Variants in MKRN2 observed in about 807,000 individuals in gnomAD.
The protein encoded by MKRN2 is makorin ring finger protein 2.
Under a neutral mutation model 45.4 loss-of-function variants are expected in MKRN2, and 32 were observed. The observed-to-expected ratio is 0.70, with a 90% CI of 0.53 to 0.95. MKRN2 has a LOEUF of 0.95. Among genes scored for constraint, MKRN2 ranks in the 40% least tolerant of loss-of-function variants. The pLI is 0.00. For missense variants in MKRN2, 526 were observed against 536.7 expected, an observed-to-expected ratio of 0.98 and a Z score of 0.20; for synonymous variants, 206 against 192.4, an observed-to-expected ratio of 1.07 and a Z score of -0.59.
intron 6 of MKRN2, among the ~76,000 whole-genome samples, chr3:12,581,600 T>A (rs1205254678): frequency 6.6e-6 from 1 of 152,156 alleles, no homozygotes; most frequent in African/African-American, 2.4e-5. Flanking sequence ...TAAGTGGGGA[T>A]ACTTCCTATC....
chr3:12,583,701 A>C lies in MKRN2; in HGVS notation c.*1448A>C, dbSNP rs1402132900. On this transcript the variant is annotated 3_prime_UTR_variant, in exon 8 of 8. Transcript: ENST00000170447. ...CAATAAAAACAAAATTAAAACCCAA[A>C]TCATCAAGAAAACCTGTATTCCTGG... 4.3e-6 allele frequency: 1 copy of C among 233,346 alleles called. No individual in the cohort carries two copies. Among genetic ancestry groups the C allele is most frequent in the African/African-American group, 2.2e-5 (1 of 45,348 alleles). 14.5% of individuals were successfully genotyped at this position (233,346 alleles called of 1,614,324 possible). A position where few individuals can be genotyped will look rare whatever the true frequency, so the allele number is the denominator to read the frequency against.
At chr3:12,562,346 G>GC (rs2058043078) in intron 1 of MKRN2, among the ~76,000 whole-genome samples, 1 of 152,156 alleles carries the variant, frequency 6.6e-6, no homozygotes, top group Admixed American at 6.6e-5. Flanking sequence ...CAGATGCCAG[G>GC]CAAGGGGCAG....
intron 1 of MKRN2, among the ~76,000 whole-genome samples, chr3:12,566,893 A>G (rs2058071665): frequency 6.6e-6 from 1 of 152,186 alleles, no homozygotes. Flanking sequence ...GTGAGCCACC[A>G]CACCTAGTAT....
intron 4 of MKRN2, 99 bp from the exon 5 acceptor site, chr3:12,574,693 C>A: frequency 2.6e-6 from 3 of 1,134,808 alleles, no homozygotes; most frequent in Non-Finnish European, 3.9e-6. Flanking sequence ...GTGTTCCTTC[C>A]TGATCTCAGC....
rs561476243 is a variant in MKRN2, at chr3:12,564,668, G to A, written c.27-4207G>A. Among the ~76,000 whole-genome samples, 11 of 152,234 alleles carry A rather than the reference G, an allele frequency of 7.2e-5. No homozygotes were observed. In the East Asian group the frequency reaches 1.9e-3, roughly 27 times the overall value. On this transcript the variant is annotated intron_variant, in intron 1 of 7. Coordinates refer to ENST00000170447, the MANE Select transcript of MKRN2 (RefSeq NM_014160.5). ...AATTTACCTGTTTGAAGTGTACAGT[G>A]CAAAACTTTTTAATGAATTTACAAA... is the stretch of plus-strand genomic sequence containing the variant.
In MKRN2 at chr3:12,574,771, T is replaced by G. The variant is rs374768529; in HGVS notation, c.643-21T>G. 9.6e-5 allele frequency: 154 copies of G among 1,605,650 alleles called. 3 individuals carry two copies. Among genetic ancestry groups the G allele is most frequent in the South Asian group, 2.6e-4 (24 of 90,856 alleles). On this transcript the variant is annotated intron_variant, in intron 4 of 7. Coordinates refer to ENST00000170447, the MANE Select transcript of MKRN2 (RefSeq NM_014160.5). ...CCTCAGTGGCCCACAACCAAAGCCT[T>G]CCTTCCTGTCTGTGCTTCAGATCTG...
intron 6 of MKRN2, among the ~76,000 whole-genome samples, chr3:12,578,731 T>C (rs1432537658): frequency 1.3e-5 from 2 of 152,196 alleles, no homozygotes; most frequent in Admixed American, 1.3e-4. Context: ...TCTTGAAATA[T>C]TTGTGTTAAG....
chr3:12,582,225 T>G lies in MKRN2; in HGVS notation c.1223T>G (p.Leu408Arg). Residue 408 changes from leucine to arginine, a missense_variant, in exon 8 of 8, where the codon CTT becomes CGT. Leu to Arg is a moderately radical substitution (Grantham distance 102). Coordinates refer to ENST00000170447, the MANE Select transcript of MKRN2 (RefSeq NM_014160.5). ...MTELGDLFMHLSGVESSEP is the reference protein window; with the variant it reads ...MTELGDLFMHRSGVESSEP ...GAGCTCGGGGACCTCTTCATGCACCTTTCTGGAGTGGAATCATCAGAACCC... is the reference window on the plus strand; with the variant it reads ...GAGCTCGGGGACCTCTTCATGCACCGTTCTGGAGTGGAATCATCAGAACCC... 1 of 1,614,104 alleles carries G rather than the reference T, an allele frequency of 6.2e-7. No individual in the cohort carries two copies. The highest frequency in any genetic ancestry group is 8.5e-7 in the Non-Finnish European group (1 of 1,180,006).
chr3:12,557,098 G>A lies in MKRN2; in HGVS notation c.-53G>A, dbSNP rs1288665268. 8 of 1,484,034 alleles carry A rather than the reference G, an allele frequency of 5.4e-6. No homozygotes were observed. Among genetic ancestry groups the A allele is most frequent in the East Asian group, 2.9e-5 (1 of 34,562 alleles). The allele number at this position is 1,484,034 out of a possible 1,614,324, so 91.9% of individuals were successfully genotyped here. On this transcript the variant is annotated 5_prime_UTR_variant, in exon 1 of 8. Coordinates refer to ENST00000170447, the MANE Select transcript of MKRN2 (RefSeq NM_014160.5). ...GCCGGGCCAGGGCCAAGGCCGAGGC[G>A]GCAGCGGCTGCGAGAGGCGGCGGCA...
Position 12,572,110 on chromosome 3 carries a change from G to T in MKRN2, c.379G>T (p.Val127Leu). 6.2e-7 allele frequency: 1 copy of T among 1,613,584 alleles called. No individual in the cohort carries two copies. Among genetic ancestry groups the T allele is most frequent in the Non-Finnish European group, 8.5e-7 (1 of 1,179,734 alleles). ...MAERKTQPSM[V>L]SNPGSCSDPQ... ...TGAAAGGAAGACCCAGCCGAGCATG[G>T]TGAGTAATCCAGGCAGCTGCAGCGA... The change falls in exon 4 of 8, where the codon GTG becomes TTG. Residue 127 changes from valine (V) to leucine (L), a missense_variant. Physicochemically the swap from Val to Leu is conservative, Grantham distance 32. Transcript: ENST00000170447.
chr3:12,575,049 G>T, intron 5 of MKRN2, 43 bp downstream of exon 5: 1 of 1,567,364 alleles, frequency 6.4e-7, no homozygotes, highest in Admixed American at 1.7e-5. Flanking sequence ...CTAGGAGAAT[G>T]TTTGATTTGA....
intron 1 of MKRN2, among the ~76,000 whole-genome samples, chr3:12,566,063 A>G (rs774449079): frequency 7.9e-5 from 12 of 152,086 alleles, no homozygotes; most frequent in Middle Eastern, 3.4e-3. Flanking sequence ...CATGTTGCCC[A>G]GGCTGACCTC....
intron 6 of MKRN2, among the ~76,000 whole-genome samples, chr3:12,579,336 T>C (rs746914898): frequency 1.3e-5 from 2 of 152,134 alleles, no homozygotes; most frequent in African/African-American, 2.4e-5. Context: ...AGCTAATTTT[T>C]GTATTTTTTT....
chr3:12,564,668 G>T (rs561476243), intron 1 of MKRN2, among the ~76,000 whole-genome samples: 2 of 152,116 alleles, frequency 1.3e-5, no homozygotes, highest in African/African-American at 4.8e-5. Context: ...AGTGTACAGT[G>T]CAAAACTTTT....
rs371377637 is a variant in MKRN2 at position 12,557,133 on chromosome 3, T to C, written c.-18T>C. On this transcript the variant is annotated 5_prime_UTR_variant, in exon 1 of 8. Coordinates refer to ENST00000170447, the MANE Select transcript of MKRN2 (RefSeq NM_014160.5). ...GCGAGAGGCGGCGGCACGACGACGGTCCCTCAGCCCAGCCACCATGAGCAC... is the reference window on the plus strand; with the variant it reads ...GCGAGAGGCGGCGGCACGACGACGGCCCCTCAGCCCAGCCACCATGAGCAC... The C allele has an allele frequency of 8.7e-3, 13,075 of 1,505,186 alleles. 81 individuals are homozygous for C. The highest frequency in any genetic ancestry group is 0.011 in the Non-Finnish European group (11,995 of 1,129,502). The allele number at this position is 1,505,186 out of a possible 1,614,324, so 93.2% of individuals were successfully genotyped here. A position where few individuals can be genotyped will look rare whatever the true frequency, so the allele number is the denominator to read the frequency against.
At chr3:12,573,668 C>T (rs1037123326) in intron 4 of MKRN2, among the ~76,000 whole-genome samples, 40 of 152,000 alleles carry the variant, frequency 2.6e-4, no homozygotes, top group Non-Finnish European at 3.5e-4. Flanking sequence ...ACGAGGCAGG[C>T]GGATCACAAG....
At chr3:12,574,668 C>A in intron 4 of MKRN2, 124 bp from the exon 5 acceptor site, 1 of 909,262 alleles carries the variant, frequency 1.1e-6, no homozygotes, top group Non-Finnish European at 1.7e-6. Flanking sequence ...CCTTTGCTCA[C>A]AGCAGTCGCT....
chr3:12,566,589 G>C (rs1001020256), intron 1 of MKRN2, among the ~76,000 whole-genome samples: 25 of 151,968 alleles, frequency 1.6e-4, no homozygotes, highest in Non-Finnish European at 3.2e-4. Flanking sequence ...ACTTCTAGAA[G>C]TTTCATTTGT....
chr3:12,571,984 A>G lies in MKRN2; in HGVS notation c.338-85A>G, dbSNP rs146637718. The G allele has an allele frequency of 2.8e-4, 373 of 1,345,320 alleles. 2 individuals are homozygous for G. The African/African-American group carries it at 5.1e-3, about 18-fold the overall frequency. The allele number at this position is 1,345,320 out of a possible 1,614,324, so 83.3% of individuals were successfully genotyped here. A position where few individuals can be genotyped will look rare whatever the true frequency, so the allele number is the denominator to read the frequency against. On this transcript the variant is annotated intron_variant, in intron 3 of 7. Coordinates refer to ENST00000170447, the MANE Select transcript of MKRN2 (RefSeq NM_014160.5). Reference sequence around the variant, plus strand: ...AAGAGTGGAATTCTTAGGTCAGAGTAGCTTAATATGTTAGGCTTTGGCTAA... The same window carrying G: ...AAGAGTGGAATTCTTAGGTCAGAGTGGCTTAATATGTTAGGCTTTGGCTAA...
Sources: gnomAD v4.1 joint callset for allele counts (sites outside exome capture counted in the v4.1 genomes callset) on GRCh38, gnomAD v4.1.1 for gene constraint, MANE v1.5 for transcripts, NCBI Gene and HGNC (gene_info 2026-07-23, HGNC 2026-07-21) for gene names.